LAIR1: variants seen among roughly 807,000 people sequenced by gnomAD.
LAIR1 encodes the protein leukocyte-associated immunoglobulin-like receptor 1.
In LAIR1, 24 loss-of-function variants were observed where a neutral mutation model predicts 32.8. That is an observed-to-expected ratio of 0.73 (90% CI 0.53 to 1.03). The LOEUF (loss-of-function observed/expected upper bound fraction) is 1.03, where lower values mean the gene tolerates loss of function less well. Ranked by LOEUF, LAIR1 falls within the 50% of genes least tolerant of loss-of-function variation. LAIR1 has a pLI of 0.00. For missense variants in LAIR1, 355 were observed against 347.5 expected (o/e 1.02, Z -0.17); for synonymous variants, 150 against 140.5 (o/e 1.07, Z -0.48).
chr19:54,357,488 A>G (rs543702000), intron 4 of LAIR1: 1 of 152,822 alleles, frequency 6.5e-6, no homozygotes, highest in South Asian at 2.1e-4. Flanking sequence ...CGGGGATGTA[A>G]CCCGCCCTCC....
chr19:54,367,321 A>G (rs1402847225), upstream of LAIR1, among the ~76,000 whole-genome samples: 1 of 152,168 alleles, frequency 6.6e-6, no homozygotes, highest in Non-Finnish European at 1.5e-5. Context: ...CCTGGTCCTC[A>G]AAGAGTTCTG....
chr19:54,370,800 C>T (rs556102878), upstream of LAIR1, among the ~76,000 whole-genome samples: 11 of 150,808 alleles, frequency 7.3e-5, no homozygotes, highest in East Asian at 2.1e-3. Context: ...AGCCTTACTC[C>T]CTAATTAGTG....
chr19:54,358,248 TTTA>T (rs1215714471), intron 4 of LAIR1: 1 of 144,854 alleles, frequency 6.9e-6, no homozygotes, highest in Non-Finnish European at 1.5e-5. Flanking sequence ...CCTATATTTA[TTTA>T]TTAACTATAA....
chr19:54,365,848 C>T (rs564484901), upstream of LAIR1, among the ~76,000 whole-genome samples: 7 of 151,466 alleles, frequency 4.6e-5, no homozygotes, highest in African/African-American at 7.3e-5. Context: ...CAGCACTATT[C>T]GCAATAGCTA....
Position 54,361,097 on chromosome 19 carries a change from C to G in LAIR1, c.183G>C (p.Glu61Asp), listed in dbSNP as rs938558455. 1.9e-6 allele frequency: 3 copies of G among 1,614,088 alleles called. No individual in the cohort carries two copies. In the South Asian group the frequency reaches 3.3e-5, roughly 18 times the overall value. ...GPVGVQTFRL[E>D]RDSRSTYNDT... ...CATTGTATGTGGATCTACTGTCCCT[C>G]TCCAGGCGGAATGTTTGAACCCCAA... Residue 61 changes from glutamate (E) to aspartate (D), a missense_variant, in exon 3 of 10, where the codon GAG becomes GAC. Coordinates refer to ENST00000391742, the MANE Select transcript of LAIR1 (RefSeq NM_002287.6).
At chr19:54,375,957 G>C in the LAIR1 span, among the ~76,000 whole-genome samples, 1 of 151,676 alleles carries the variant, frequency 6.6e-6, no homozygotes, top group Non-Finnish European at 1.5e-5. Context: ...ACGTCCATAT[G>C]GGGGCCCCCG....
At position 54,356,401 on chromosome 19, in the gene LAIR1, A is replaced by C; in HGVS notation, c.584-3T>G. ...CTCGTCCTTGCTTCTGGGGGGCCCT[A>C]AGGACAGTCGGGGTGTGAATTAAGG... On this transcript the variant is annotated splice_region_variant and splice_polypyrimidine_tract_variant and intron_variant, in intron 6 of 9. Transcript: ENST00000391742. 2 of 1,597,470 alleles carry C rather than the reference A, an allele frequency of 1.3e-6. No individual in the cohort carries two copies. Among genetic ancestry groups the C allele is most frequent in the Non-Finnish European group, 1.7e-6 (2 of 1,171,964 alleles).
At chr19:54,362,580 G>C (rs2082078591) in intron 2 of LAIR1, among the ~76,000 whole-genome samples, 1 of 152,156 alleles carries the variant, frequency 6.6e-6, no homozygotes. Flanking sequence ...CGCCTCCAAG[G>C]TTCAAGCAAT....
At chr19:54,372,353 G>A (rs1036994755), upstream of LAIR1, among the ~76,000 whole-genome samples, 8 of 151,310 alleles carry the variant, frequency 5.3e-5, no homozygotes. Context: ...GTGGTAACTT[G>A]GTTCCTAAGA....
chr19:54,354,025 G>GCT lies in LAIR1; in HGVS notation c.*1242_*1243insAG, dbSNP rs2081599017. Reference sequence around the variant, plus strand: ...TGGGATTACAGGCGTGAGCCTCCATGCCCGGCCTGTTTTTGTTTTTTAAAG... The same window carrying GCT: ...TGGGATTACAGGCGTGAGCCTCCATGCTCCCGGCCTGTTTTTGTTTTTTAAAG... On this transcript the variant is annotated 3_prime_UTR_variant, in exon 10 of 10. Transcript: ENST00000391742. 1 of 152,146 alleles carries GCT rather than the reference G, an allele frequency of 6.6e-6. No individual in the cohort carries two copies. Among genetic ancestry groups the GCT allele is most frequent in the Non-Finnish European group, 1.5e-5 (1 of 68,054 alleles). The allele number at this position is 152,146 out of a possible 1,614,324, so 9.4% of individuals were successfully genotyped here.
intron 2 of LAIR1, among the ~76,000 whole-genome samples, chr19:54,363,420 T>A (rs868664480): frequency 5.7e-4 from 87 of 152,120 alleles, no homozygotes; most frequent in African/African-American, 1.9e-3. Context: ...TGGGGAAAAG[T>A]GCCGGGCTCA....
chr19:54,366,690 G>T (rs768175639), upstream of LAIR1, among the ~76,000 whole-genome samples: 4 of 151,966 alleles, frequency 2.6e-5, no homozygotes, highest in Non-Finnish European at 5.9e-5. Context: ...GGGTTTCACC[G>T]TGTTAGCCAG....
upstream of LAIR1, among the ~76,000 whole-genome samples, chr19:54,373,815 G>T (rs2082459615): frequency 6.6e-6 from 1 of 152,210 alleles, no homozygotes; most frequent in Admixed American, 6.5e-5. Context: ...TTCTCCCCAG[G>T]ATGACTCAGG....
chr19:54,375,339 C>T (rs2082481423), upstream of LAIR1, among the ~76,000 whole-genome samples: 1 of 152,178 alleles, frequency 6.6e-6, no homozygotes. Context: ...CACCGTGCTG[C>T]CTGCGCCCGC....
upstream of LAIR1, among the ~76,000 whole-genome samples, chr19:54,366,633 C>A (rs923076613): frequency 1.3e-5 from 2 of 152,130 alleles, no homozygotes; most frequent in Non-Finnish European, 2.9e-5. Flanking sequence ...GGACTACAGG[C>A]ACCCACCACC....
chr19:54,374,536 C>T (rs1265240965), upstream of LAIR1, among the ~76,000 whole-genome samples: 1 of 152,172 alleles, frequency 6.6e-6, no homozygotes, highest in Non-Finnish European at 1.5e-5. Flanking sequence ...CAGATCACAG[C>T]TGTGGTTTTG....
rs1403449713 is a variant in LAIR1 at position 54,355,234 on chromosome 19, T to C, written c.*34A>G. On this transcript the variant is annotated 3_prime_UTR_variant, in exon 10 of 10. Transcript: ENST00000391742. This position sits in a 1 kb window ranked among gnomAD's most constrained non-coding sequence, Gnocchi z 4.7. ...TCAGGCTTTTCCTAGAGTGACTTTC[T>C]ACCCTCAGGTGCAGAGGCCAGGTGG... The C allele has an allele frequency of 1.1e-5, 17 of 1,527,004 alleles. No homozygotes were observed. In the East Asian group the frequency reaches 4.2e-4, roughly 38 times the overall value. 94.6% of individuals were successfully genotyped at this position (1,527,004 alleles called of 1,614,324 possible). A position where few individuals can be genotyped will look rare whatever the true frequency, so the allele number is the denominator to read the frequency against.
intron 4 of LAIR1, 195 bp from the exon 5 acceptor site, chr19:54,357,161 T>TCACACATA: frequency 5.1e-6 from 3 of 586,084 alleles, no homozygotes; most frequent in Non-Finnish European, 9.2e-6. Context: ...AGCATGAGAG[T>TCACACATA]CACACATAGC....
At chr19:54,368,967 G>A (rs532355821), upstream of LAIR1, among the ~76,000 whole-genome samples, 15 of 151,308 alleles carry the variant, frequency 9.9e-5, 1 homozygote, top group African/African-American at 3.2e-4. Context: ...GATTACAGGC[G>A]TGAGCCACTG....
Sources: gnomAD v4.1 joint callset for allele counts (sites outside exome capture counted in the v4.1 genomes callset) on GRCh38, gnomAD v4.1.1 for gene constraint, Gnocchi (gnomAD v3.1) non-coding constraint, MANE v1.5 for transcripts, NCBI Gene and HGNC (gene_info 2026-07-23, HGNC 2026-07-21) for gene names.